The following CMSS1 variants were observed in gnomAD, a reference collection of about 807,000 sequenced individuals.
CMSS1 encodes the protein cms1 ribosomal small subunit homolog, also known as protein CMSS1.
In CMSS1, 33 loss-of-function variants were observed where a neutral mutation model predicts 43.5. The ratio of observed to expected loss-of-function variants is 0.76; its 90% confidence interval spans 0.57 to 1.01. The LOEUF is 1.01. Among genes scored for constraint, CMSS1 ranks in the 50% least tolerant of loss-of-function variants. The pLI is 0.00. For missense variants in CMSS1, 313 were observed against 326.4 expected (o/e 0.96, Z 0.32); for synonymous variants, 115 against 117.2 (o/e 0.98, Z 0.12).
chr3:99,882,032 G>T (rs1163472729), intron 1 of CMSS1, among the ~76,000 whole-genome samples: 1 of 152,168 alleles, frequency 6.6e-6, no homozygotes, highest in African/African-American at 2.4e-5. Flanking sequence ...GAGTAGAACA[G>T]TTAGGTAAAT....
intron 1 of CMSS1, among the ~76,000 whole-genome samples, chr3:100,067,478 T>C (rs1458730970): frequency 6.6e-6 from 1 of 152,192 alleles, no homozygotes; most frequent in Non-Finnish European, 1.5e-5. Context: ...TATACATGAT[T>C]GAGGATAGTG....
At chr3:100,059,806 A>G (rs1371234755) in intron 1 of CMSS1, among the ~76,000 whole-genome samples, 1 of 152,158 alleles carries the variant, frequency 6.6e-6, no homozygotes, top group Admixed American at 6.5e-5. Context: ...TTCTGTGTGT[A>G]TGTATCATCT....
intron 1 of CMSS1, among the ~76,000 whole-genome samples, chr3:99,861,692 G>T (rs1202653679): frequency 6.6e-6 from 1 of 152,134 alleles, no homozygotes; most frequent in Non-Finnish European, 1.5e-5. Context: ...AACAGTGCAG[G>T]TGGCAGAGGG....
intron 1 of CMSS1, among the ~76,000 whole-genome samples, chr3:99,905,316 C>T (rs1233409236): frequency 6.6e-6 from 1 of 152,148 alleles, no homozygotes; most frequent in African/African-American, 2.4e-5. Context: ...CCCATGTGTG[C>T]ACTTACTCCT....
chr3:100,162,807 C>G (rs1301654659), intron 4 of CMSS1, among the ~76,000 whole-genome samples: 2 of 152,070 alleles, frequency 1.3e-5, no homozygotes, highest in Non-Finnish European at 2.9e-5. Context: ...AACCCCATCT[C>G]TACTAAAAAA....
At chr3:99,849,983 C>T (rs1252534089) in intron 1 of CMSS1, 1 of 1,612,118 alleles carries the variant, frequency 6.2e-7, no homozygotes, top group Non-Finnish European at 8.5e-7. Flanking sequence ...TTTAAATCAT[C>T]TCTCTCCTTG....
intron 1 of CMSS1, among the ~76,000 whole-genome samples, chr3:99,969,527 T>A (rs560181417): frequency 6.6e-6 from 1 of 152,092 alleles, no homozygotes; most frequent in South Asian, 2.1e-4. Flanking sequence ...TCTAAAGATA[T>A]TAGTGAAAGA....
intron 1 of CMSS1, chr3:99,924,442 ATTGT>A: frequency 6.3e-7 from 1 of 1,577,892 alleles, no homozygotes; most frequent in African/African-American, 1.4e-5. Flanking sequence ...CTGTTACCAA[ATTGT>A]TTATATACTG....
chr3:100,057,646 G>C (rs1315224532), intron 1 of CMSS1, among the ~76,000 whole-genome samples: 1 of 152,160 alleles, frequency 6.6e-6, no homozygotes, highest in Non-Finnish European at 1.5e-5. Flanking sequence ...CCAATGCTTT[G>C]GGATCAGGCC....
At chr3:100,037,429 A>T (rs952510719) in intron 1 of CMSS1, among the ~76,000 whole-genome samples, 1 of 152,152 alleles carries the variant, frequency 6.6e-6, no homozygotes, top group Admixed American at 6.6e-5. Flanking sequence ...AAATTTAACA[A>T]AAGATTAAAA....
At chr3:100,130,667 G>C (rs1424445434) in intron 1 of CMSS1, among the ~76,000 whole-genome samples, 1 of 152,140 alleles carries the variant, frequency 6.6e-6, no homozygotes, top group East Asian at 1.9e-4. Context: ...TGTATGGCTT[G>C]TTTTGTTGTA....
In CMSS1 at chr3:100,056,236, A is replaced by C. The variant is rs1473988000; in HGVS notation, c.65-90737A>C. Among the ~76,000 whole-genome samples, 3 of 152,158 alleles carry C rather than the reference A, an allele frequency of 2.0e-5. No homozygotes were observed. The East Asian group carries it at 5.8e-4, about 29-fold the overall frequency. ...TGTGGCAAGACCCTGGCTAGGAACC[A>C]AGTCTGACTCTCAGCTCTGGGATTT... On this transcript the variant is annotated intron_variant, in intron 1 of 9. Coordinates refer to ENST00000421999, the MANE Select transcript of CMSS1 (RefSeq NM_032359.4).
chr3:99,957,149 A>C (rs1358484857), intron 1 of CMSS1, among the ~76,000 whole-genome samples: 2 of 152,244 alleles, frequency 1.3e-5, no homozygotes, highest in East Asian at 3.8e-4. Context: ...CAGCAAAAAA[A>C]ATACTGTATG....
intron 1 of CMSS1, among the ~76,000 whole-genome samples, chr3:99,823,349 A>T (rs896371312): frequency 1.3e-5 from 2 of 152,218 alleles, no homozygotes; most frequent in African/African-American, 4.8e-5. Context: ...TGTCAAATGT[A>T]AACAAGACCC....
intron 1 of CMSS1, among the ~76,000 whole-genome samples, chr3:99,984,177 A>G (rs1709263472): frequency 6.6e-6 from 1 of 152,096 alleles, no homozygotes; most frequent in Non-Finnish European, 1.5e-5. Flanking sequence ...GAATTTTTAA[A>G]AAGTGAAATT....
chr3:100,142,068 C>T (rs991771287), intron 1 of CMSS1, among the ~76,000 whole-genome samples: 1 of 152,044 alleles, frequency 6.6e-6, no homozygotes, highest in African/African-American at 2.4e-5. Flanking sequence ...CTAAATTATC[C>T]AATTTACAGT....
At chr3:100,046,272 T>A (rs1001830624) in intron 1 of CMSS1, among the ~76,000 whole-genome samples, 2 of 152,272 alleles carry the variant, frequency 1.3e-5, no homozygotes, top group African/African-American at 4.8e-5. Context: ...TTGTGAAAAT[T>A]CCTAATTCTA....
At chr3:100,156,585 G>A (rs1330607764) in intron 2 of CMSS1, among the ~76,000 whole-genome samples, 1 of 151,962 alleles carries the variant, frequency 6.6e-6, no homozygotes, top group African/African-American at 2.4e-5. Context: ...GGGACTACAG[G>A]CGTGAGCCAC....
At chr3:99,887,633 C>A (rs1178640152) in intron 1 of CMSS1, among the ~76,000 whole-genome samples, 2 of 152,144 alleles carry the variant, frequency 1.3e-5, no homozygotes, top group Non-Finnish European at 2.9e-5. Flanking sequence ...TTAAATGAAT[C>A]ATGGCATTGT....
Sources: allele counts gnomAD v4.1 joint callset (sites outside exome capture counted in the v4.1 genomes callset), GRCh38; gene constraint gnomAD v4.1.1; transcripts MANE v1.5; gene names NCBI Gene and HGNC (gene_info 2026-07-23, HGNC 2026-07-21).